The following SEH1L variants were observed in gnomAD, a reference collection of about 807,000 sequenced individuals.
The protein encoded by SEH1L is nucleoporin SEH1.
A neutral mutation model predicts 49.5 loss-of-function variants in SEH1L; 18 were observed. The ratio of observed to expected loss-of-function variants is 0.36; its 90% CI spans 0.25 to 0.54. The LOEUF (loss-of-function observed/expected upper bound fraction) is 0.54, where lower values mean the gene tolerates loss of function less well. Among genes scored for constraint, SEH1L ranks in the 20% least tolerant of loss-of-function variants. The pLI, the probability that SEH1L is intolerant of heterozygous loss-of-function variation, is 0.87. For missense variants in SEH1L, 404 were observed against 528.8 expected (o/e 0.76, Z 2.31); for synonymous variants, 169 against 178.1 (o/e 0.95, Z 0.41).
At chr18:12,964,316 T>A (rs1204267737) in intron 4 of SEH1L, 1 of 152,182 alleles carries the variant, frequency 6.6e-6, no homozygotes, top group East Asian at 1.9e-4. Context: ...TTAATTCTGG[T>A]AGTCACTAGT....
Position 12,984,121 on chromosome 18 carries a change from C to G in SEH1L, c.1001C>G (p.Thr334Ser), listed in dbSNP as rs1197992145. 6.2e-7 allele frequency: 1 copy of G among 1,613,342 alleles called. No individual in the cohort carries two copies. Among genetic ancestry groups the G allele is most frequent in the South Asian group, 1.1e-5 (1 of 91,058 alleles). ...GTCAATGGGAGTTCTCAGCAGGGAA[C>G]CTCAAATCCTTCCCTAGGTTCAACT... is the stretch of plus-strand genomic sequence containing the variant. ...SPVNGSSQQGTSNPSLGSTIP... is the reference protein window; with the variant it reads ...SPVNGSSQQGSSNPSLGSTIP... Residue 334 changes from threonine to serine, a missense_variant, in exon 8 of 9, where the codon ACC (threonine) becomes AGC (serine). Transcript: ENST00000399892.
intron 5 of SEH1L, 56 bp from the exon 6 acceptor site, chr18:12,978,696 G>A: frequency 6.8e-7 from 1 of 1,471,588 alleles, no homozygotes; most frequent in South Asian, 1.2e-5. Flanking sequence ...GCAGTGATGT[G>A]TGGATTTTTG....
At chr18:12,958,228 C>A (rs1568213031) in intron 3 of SEH1L, among the ~76,000 whole-genome samples, 1 of 151,564 alleles carries the variant, frequency 6.6e-6, no homozygotes, top group African/African-American at 2.4e-5. Flanking sequence ...GGACTACAGG[C>A]ATGTGCCACC....
Position 12,952,286 on chromosome 18 carries a change from G to T in SEH1L, c.162+381G>T, listed in dbSNP as rs146844002. ...CTTGCTCTCTTGCCCAGGTGGGAGTGCAGTGGCGTGATCTTGGCTCACTGC... is the reference window on the plus strand; with the variant it reads ...CTTGCTCTCTTGCCCAGGTGGGAGTTCAGTGGCGTGATCTTGGCTCACTGC... On this transcript the variant is annotated intron_variant, in intron 2 of 8. Transcript: ENST00000399892. 1.9e-3 allele frequency among the ~76,000 whole-genome samples: 280 copies of T among 148,640 alleles called. 6 individuals carry two copies. In the East Asian group the frequency reaches 0.037, roughly 20 times the overall value.
chr18:12,986,001 G>A (rs7233600), intron 8 of SEH1L: 566,099 of 902,356 alleles, frequency 0.63, 180,854 homozygotes, highest in African/African-American at 0.89. Context: ...ATACATTTGT[G>A]TATTTTTATG....
In SEH1L at chr18:12,951,875, T is replaced by C; in HGVS notation, c.132T>C (p.Ser44=). The C allele has an allele frequency of 6.3e-7, 1 of 1,579,086 alleles. No homozygotes were observed. The highest frequency in any genetic ancestry group is 8.6e-7 in the Non-Finnish European group (1 of 1,158,276). Reference sequence around the variant, plus strand: ...TATAGGTCTGGGATAAAAGTGAAAGTGGTGATTGGCATTGTACTGCTAGCT... The same window carrying C: ...TATAGGTCTGGGATAAAAGTGAAAGCGGTGATTGGCATTGTACTGCTAGCT... ...QSVKVWDKSE[S]GDWHCTASWK... is the part of the protein sequence containing the mutation. The change falls in exon 2 of 9, where the codon AGT becomes AGC. Residue 44 remains serine (S), a synonymous_variant. Coordinates refer to ENST00000399892, the MANE Select transcript of SEH1L (RefSeq NM_001013437.2).
chr18:12,963,973 A>G (rs2031317519), intron 4 of SEH1L, among the ~76,000 whole-genome samples: 1 of 152,244 alleles, frequency 6.6e-6, no homozygotes. Context: ...TCGGCCTCCA[A>G]GAGTGCTGGG....
intron 3 of SEH1L, among the ~76,000 whole-genome samples, chr18:12,957,632 T>C (rs1159560932): frequency 6.6e-6 from 1 of 152,212 alleles, no homozygotes; most frequent in Non-Finnish European, 1.5e-5. Context: ...CTGCATGCTT[T>C]TTTTCCCCCT....
intron 1 of SEH1L, among the ~76,000 whole-genome samples, chr18:12,949,476 G>A (rs1363283747): frequency 6.9e-5 from 4 of 58,258 alleles, no homozygotes; most frequent in Non-Finnish European, 1.3e-4. Context: ...TTTTTGAGAC[G>A]GAGTCTTGCT....
intron 5 of SEH1L, chr18:12,973,596 G>A (rs1031180370): frequency 5.3e-5 from 8 of 152,156 alleles, no homozygotes; most frequent in South Asian, 4.1e-4. Flanking sequence ...CACCACGGCC[G>A]GCCTAGAAAT....
Position 12,948,041 on chromosome 18 carries a change from G to A in SEH1L, c.-81G>A. Reference sequence around the variant, plus strand: ...AAGCCGTGCGCTCCCGGGCTGCGAGGTCTGGCTAGGCTACGGGCCACGCGC... The same window carrying A: ...AAGCCGTGCGCTCCCGGGCTGCGAGATCTGGCTAGGCTACGGGCCACGCGC... On this transcript the variant is annotated 5_prime_UTR_variant, in exon 1 of 9. Transcript: ENST00000399892. 1.9e-6 allele frequency: 2 copies of A among 1,040,696 alleles called. No individual in the cohort carries two copies. The highest frequency in any genetic ancestry group is 2.9e-6 in the Non-Finnish European group (2 of 699,590). 64.5% of individuals were successfully genotyped at this position (1,040,696 alleles called of 1,614,324 possible).
Position 12,971,171 on chromosome 18 carries a change from C to T in SEH1L, c.540C>T (p.Pro180=). The part of the protein sequence containing the change: ...WNPSSSRAHS[P]MIAVGSDDSS... ...TTTCTAGCTCTCGTGCTCATTCCCC[C>T]ATGATCGCCGTAGGAAGTGATGACA... is the stretch of plus-strand genomic sequence containing the variant. Residue 180 remains proline, a synonymous_variant, in exon 5 of 9, where the codon CCC becomes CCT. Coordinates refer to ENST00000399892, the MANE Select transcript of SEH1L (RefSeq NM_001013437.2). 1 of 1,613,414 alleles carries T rather than the reference C, an allele frequency of 6.2e-7. No individual in the cohort carries two copies. The highest frequency in any genetic ancestry group is 8.5e-7 in the Non-Finnish European group (1 of 1,179,426).
chr18:12,986,909 C>T lies in SEH1L; in HGVS notation c.1118C>T (p.Ser373Phe). 6.2e-7 allele frequency: 1 copy of T among 1,612,350 alleles called. No individual in the cohort carries two copies. Among genetic ancestry groups the T allele is most frequent in the Non-Finnish European group, 8.5e-7 (1 of 1,179,096 alleles). Residue 373 changes from serine (S) to phenylalanine (F), a missense_variant, in exon 9 of 9, where the codon TCC becomes TTC. By Grantham distance (155) the Ser-to-Phe change is radical (BLOSUM62 -2). Coordinates refer to ENST00000399892, the MANE Select transcript of SEH1L (RefSeq NM_001013437.2). ...TCCCCACGGGCTGGATCGAGATGGTCCAGTTATGCCCAGCTCCTTCCTCCT... is the reference window on the plus strand; with the variant it reads ...TCCCCACGGGCTGGATCGAGATGGTTCAGTTATGCCCAGCTCCTTCCTCCT... ...LDSPRAGSRW[S>F]SYAQLLPPPP...
At chr18:12,980,914 C>CG (rs1410234201) in intron 6 of SEH1L, among the ~76,000 whole-genome samples, 1 of 143,008 alleles carries the variant, frequency 7.0e-6, no homozygotes, top group South Asian at 2.3e-4. Flanking sequence ...GCTGGCCGGG[C>CG]GGGGGGCTGA....
chr18:12,972,786 G>A (rs1259706501), intron 5 of SEH1L: 1 of 152,230 alleles, frequency 6.6e-6, no homozygotes, highest in African/African-American at 2.4e-5. Context: ...GTTTTAAGCT[G>A]TAAAAACTAT....
At chr18:12,971,824 G>C (rs966720708) in intron 5 of SEH1L, 1 of 152,362 alleles carries the variant, frequency 6.6e-6, no homozygotes, top group African/African-American at 2.4e-5. Flanking sequence ...ATGACCTATA[G>C]GGTGAGTAGA....
At chr18:12,986,180 TA>T in intron 8 of SEH1L, 3 of 985,236 alleles carry the variant, frequency 3.0e-6, no homozygotes, top group Non-Finnish European at 3.6e-6. Context: ...TCATGTCCTG[TA>T]AAGTTCTGAC....
At chr18:12,972,917 T>TGAAAC (rs1434824436) in intron 5 of SEH1L, 9 of 152,226 alleles carry the variant, frequency 5.9e-5, no homozygotes, top group African/African-American at 1.9e-4. Flanking sequence ...GTAAAAGGTG[T>TGAAAC]ATCATTGGCC....
intron 3 of SEH1L, among the ~76,000 whole-genome samples, chr18:12,957,191 G>A (rs1180798705): frequency 6.6e-6 from 1 of 152,202 alleles, no homozygotes; most frequent in Non-Finnish European, 1.5e-5. Context: ...ACTTTAGGAG[G>A]CCAAAATGGA....
Sources: gnomAD v4.1 joint callset for allele counts (sites outside exome capture counted in the v4.1 genomes callset) on GRCh38, gnomAD v4.1.1 for gene constraint, MANE v1.5 for transcripts, NCBI Gene and HGNC (gene_info 2026-07-23, HGNC 2026-07-21) for gene names.